DEPTOR: variants seen among roughly 807,000 people sequenced by gnomAD.
The protein encoded by DEPTOR is DEP domain containing MTOR interacting protein, also known as DEP domain-containing mTOR-interacting protein.
A neutral mutation model predicts 41.6 loss-of-function variants in DEPTOR; 41 were observed. The ratio of observed to expected loss-of-function variants is 0.98; its 90% CI spans 0.77 to 1.28. The LOEUF is 1.28. Ranked by LOEUF, DEPTOR falls within the 50% of genes most tolerant of loss-of-function variation. DEPTOR has a pLI of 0.00. For synonymous variants in DEPTOR, 195 were observed against 192.3 expected (o/e 1.01, Z -0.12); for missense variants, 514 against 527.9 (o/e 0.97, Z 0.26).
intron 4 of DEPTOR, among the ~76,000 whole-genome samples, chr8:119,966,310 A>T (rs1336889949): frequency 6.6e-6 from 1 of 152,180 alleles, no homozygotes; most frequent in Non-Finnish European, 1.5e-5. Flanking sequence ...ACTAAAAAAT[A>T]CAAAAATTAG....
chr8:120,006,604 A>G (rs535576377), intron 6 of DEPTOR, among the ~76,000 whole-genome samples: 1 of 149,288 alleles, frequency 6.7e-6, no homozygotes, highest in African/African-American at 2.5e-5. Flanking sequence ...TTTTTTCCTT[A>G]GCTTTGTAAG....
intron 8 of DEPTOR, among the ~76,000 whole-genome samples, chr8:120,038,435 A>G (rs1563599901): frequency 1.3e-5 from 2 of 151,884 alleles, no homozygotes; most frequent in Non-Finnish European, 1.5e-5. Context: ...TCCTGTCTCT[A>G]CAAAACTTAG....
rs116350567 is a variant in DEPTOR at position 119,886,355 on chromosome 8, C to T, written c.122+12387C>T. The stretch of plus-strand genomic sequence containing the variant: ...CAAGTCCTGAGGTTCACCCTGACTT[C>T]GTTGGTTAGGTCACATGCCTATTCC... On this transcript the variant is annotated intron_variant, in intron 1 of 8. Coordinates refer to ENST00000286234, the MANE Select transcript of DEPTOR (RefSeq NM_022783.4). Among the ~76,000 whole-genome samples, 705 of 152,190 alleles carry T rather than the reference C, an allele frequency of 4.6e-3. 5 individuals are homozygous for T. The highest frequency in any genetic ancestry group is 0.016 in the African/African-American group (668 of 41,524).
chr8:119,988,164 G>A (rs1828853400), intron 4 of DEPTOR, among the ~76,000 whole-genome samples: 2 of 152,188 alleles, frequency 1.3e-5, no homozygotes, highest in African/African-American at 2.4e-5. Flanking sequence ...GAATCTCCTG[G>A]TCTGCGGGTT....
chr8:119,875,831 A>C (rs1586592786), intron 1 of DEPTOR, among the ~76,000 whole-genome samples: 2 of 152,324 alleles, frequency 1.3e-5, no homozygotes, highest in East Asian at 3.9e-4. Flanking sequence ...TTGGTTGATA[A>C]GGTGCAGAAC....
At chr8:119,874,179 G>A (rs1827202737) in intron 1 of DEPTOR, 2 of 734,040 alleles carry the variant, frequency 2.7e-6, no homozygotes, top group South Asian at 2.1e-5. Flanking sequence ...GGGCTGCCTG[G>A]CAGAAGCCGA....
chr8:120,037,231 CTTAA>C (rs1239129720), intron 8 of DEPTOR, among the ~76,000 whole-genome samples: 2 of 152,158 alleles, frequency 1.3e-5, no homozygotes, highest in East Asian at 1.9e-4. Flanking sequence ...GGGATTAGTA[CTTAA>C]TTAGAGTTGA....
At chr8:119,944,945 C>A (rs867336962) in intron 3 of DEPTOR, among the ~76,000 whole-genome samples, 3 of 152,002 alleles carry the variant, frequency 2.0e-5, no homozygotes, top group East Asian at 3.9e-4. Flanking sequence ...TGAGCCACTG[C>A]GCCCAGCCTA....
chr8:120,002,893 TG>T, intron 5 of DEPTOR, 83 bp from the exon 6 acceptor site: 2 of 1,490,178 alleles, frequency 1.3e-6, no homozygotes, highest in South Asian at 2.7e-5. Flanking sequence ...CTGGCCCCTC[TG>T]GACCTTGCAG....
chr8:119,936,006 T>G (rs1056460139), intron 3 of DEPTOR, among the ~76,000 whole-genome samples: 104 of 151,186 alleles, frequency 6.9e-4, no homozygotes, highest in African/African-American at 2.3e-3. Context: ...GTTGTTTTTT[T>G]TTTTTTTTTT....
At chr8:119,981,770 A>G (rs891155415) in intron 4 of DEPTOR, among the ~76,000 whole-genome samples, 5 of 152,176 alleles carry the variant, frequency 3.3e-5, no homozygotes, top group African/African-American at 9.6e-5. Context: ...TAATCCCAGC[A>G]CTTTGGGAAG....
intron 1 of DEPTOR, among the ~76,000 whole-genome samples, chr8:119,889,845 A>T (rs1343103511): frequency 3.3e-5 from 5 of 152,042 alleles, no homozygotes; most frequent in Admixed American, 2.0e-4. Context: ...TTGTGGCAGT[A>T]GCTCAGTACA....
At chr8:120,038,047 G>C (rs541041366) in intron 8 of DEPTOR, among the ~76,000 whole-genome samples, 1 of 151,844 alleles carries the variant, frequency 6.6e-6, no homozygotes, top group Non-Finnish European at 1.5e-5. Flanking sequence ...CGGGTGGATC[G>C]CTTGAGGCCA....
At chr8:119,899,678 A>C (rs1478936065) in intron 1 of DEPTOR, among the ~76,000 whole-genome samples, 2 of 152,198 alleles carry the variant, frequency 1.3e-5, no homozygotes, top group Non-Finnish European at 2.9e-5. Context: ...GAATCACTAC[A>C]TAGCTCAGAG....
chr8:119,958,551 G>A (rs534271847), intron 3 of DEPTOR, among the ~76,000 whole-genome samples: 297 of 152,192 alleles, frequency 2.0e-3, no homozygotes, highest in Non-Finnish European at 3.7e-3. Flanking sequence ...TTGGGAGGCC[G>A]AGGGTGAATC....
chr8:119,949,870 G>A (rs1828330723), intron 3 of DEPTOR, among the ~76,000 whole-genome samples: 1 of 152,032 alleles, frequency 6.6e-6, no homozygotes, highest in African/African-American at 2.4e-5. Flanking sequence ...AGTAGAGACA[G>A]GGTTTCACTA....
At chr8:119,897,257 G>A (rs926244938) in intron 1 of DEPTOR, among the ~76,000 whole-genome samples, 4 of 152,158 alleles carry the variant, frequency 2.6e-5, no homozygotes, top group South Asian at 2.1e-4. Context: ...ATTCCAGGTC[G>A]GGAGCGGTGG....
At chr8:119,953,722 C>T (rs1470831168) in intron 3 of DEPTOR, among the ~76,000 whole-genome samples, 2 of 151,936 alleles carry the variant, frequency 1.3e-5, no homozygotes, top group African/African-American at 2.4e-5. Context: ...AGCATGCATT[C>T]CTTCTGAGTG....
chr8:119,913,995 A>G (rs546324517), intron 1 of DEPTOR, among the ~76,000 whole-genome samples: 24 of 150,878 alleles, frequency 1.6e-4, no homozygotes, highest in African/African-American at 5.3e-4. Context: ...TCCCCATCAA[A>G]ATGGGAATGG....
Sources: allele counts gnomAD v4.1 joint callset (sites outside exome capture counted in the v4.1 genomes callset), GRCh38; gene constraint gnomAD v4.1.1; transcripts MANE v1.5; gene names NCBI Gene and HGNC (gene_info 2026-07-23, HGNC 2026-07-21).